Variants in CFAP157 observed in about 807,000 individuals in gnomAD.
CFAP157 encodes cilia- and flagella-associated protein 157.
Under a neutral mutation model 57.8 loss-of-function variants are expected in CFAP157, and 43 were observed. That is an observed-to-expected ratio of 0.74 (90% CI 0.58 to 0.96). The LOEUF is 0.96. CFAP157 is among the 40% of genes least tolerant of loss of function. CFAP157 has a pLI of 0.00. For synonymous variants in CFAP157, 267 were observed against 269.0 expected, an observed-to-expected ratio of 0.99 and a Z score of 0.07; for missense variants, 606 against 655.3, an observed-to-expected ratio of 0.92 and a Z score of 0.82.
intron 1 of CFAP157, among the ~76,000 whole-genome samples, chr9:127,707,985 C>T (rs1842684982): frequency 6.6e-6 from 1 of 152,132 alleles, no homozygotes; most frequent in African/African-American, 2.4e-5. Context: ...CTAGAGAGGT[C>T]CTGATGTCAT....
chr9:127,710,746 C>T lies in CFAP157; in HGVS notation c.579C>T (p.Asp193=). The change falls in exon 3 of 9, where the codon GAC becomes GAT. Residue 193 remains aspartate, a synonymous_variant. Coordinates refer to ENST00000373295, the MANE Select transcript of CFAP157 (RefSeq NM_001012502.3). ...AYNLEKKSVL[D]KDRLRKEIIQ... ...ACCTGGAGAAGAAGTCGGTGCTGGA[C>T]AAGGACAGGTGGGCAAGCGGGGCAC... The T allele has an allele frequency of 1.3e-6, 2 of 1,565,430 alleles. No homozygotes were observed. Among genetic ancestry groups the T allele is most frequent in the Non-Finnish European group, 1.7e-6 (2 of 1,154,108 alleles).
intron 3 of CFAP157, among the ~76,000 whole-genome samples, 153 bp downstream of exon 3, chr9:127,710,907 G>T (rs986767347): frequency 7.2e-5 from 11 of 152,058 alleles, no homozygotes; most frequent in Non-Finnish European, 1.6e-4. Context: ...ATCCCAGCTG[G>T]TGATTATGGA....
chr9:127,712,182 T>C lies in CFAP157; in HGVS notation c.987-17T>C, dbSNP rs372366207. The C allele has an allele frequency of 7.1e-4, 1,153 of 1,613,440 alleles. No homozygotes were observed. The highest frequency in any genetic ancestry group is 9.2e-4 in the Non-Finnish European group (1,081 of 1,179,806). On this transcript the variant is annotated splice_polypyrimidine_tract_variant and intron_variant, in intron 5 of 8. Transcript: ENST00000373295. ...GGGAAGGGGGAAGGCTGTTGACTCA[T>C]CCCAGTTGGGGTCCAGGAGCCAGAG...
Position 127,715,502 on chromosome 9 carries a change from T to C in CFAP157, c.*1597T>C, listed in dbSNP as rs367715244. On this transcript the variant is annotated 3_prime_UTR_variant, in exon 9 of 9. Transcript: ENST00000373295. The surrounding 1 kb of genome is among the most constrained non-coding windows in gnomAD (Gnocchi z 5.8). ...CGGGACATAATGGCCGAACTGAAGC[T>C]AGGGACCGGGAGCCCCTACGTCGCC... is the stretch of plus-strand genomic sequence containing the variant. The C allele has an allele frequency of 3.1e-6, 5 of 1,612,398 alleles. No individual in the cohort carries two copies. The African/African-American group carries it at 6.7e-5, about 22-fold the overall frequency.
rs780542156 is a variant in CFAP157 at position 127,709,581 on chromosome 9, C to A, written c.321C>A (p.Asn107Lys). 1.2e-6 allele frequency: 2 copies of A among 1,614,100 alleles called. No homozygotes were observed. ...CAGACCTCAACGAGCAGCTCCAGAA[C>A]TTGCAGCTAGCCAAAGAGATGGAGA... is the stretch of plus-strand genomic sequence containing the variant. The part of the protein sequence containing the change: ...EITDLNEQLQ[N>K]LQLAKEMEKD... The change falls in exon 2 of 9, where the codon AAC (asparagine) becomes AAA (lysine). Residue 107 changes from asparagine (N) to lysine (K), a missense_variant. Transcript: ENST00000373295. The surrounding 1 kb of genome is among the most constrained non-coding windows in gnomAD (Gnocchi z 4.7).
rs1039369315 is a variant in CFAP157, at chr9:127,715,813, C to G, written c.*1908C>G. The G allele has an allele frequency of 2.3e-6, 3 of 1,294,646 alleles. No homozygotes were observed. The highest frequency in any genetic ancestry group is 3.2e-6 in the Non-Finnish European group (3 of 949,246). The allele number at this position is 1,294,646 out of a possible 1,614,324, so 80.2% of individuals were successfully genotyped here. A position where few individuals can be genotyped will look rare whatever the true frequency, so the allele number is the denominator to read the frequency against. The stretch of plus-strand genomic sequence containing the variant: ...CGGTGGCCGAGTCCGGGAACCCAGG[C>G]GCCTTCAGTAGCGCGGCGTCACAGT... On this transcript the variant is annotated 3_prime_UTR_variant, in exon 9 of 9. Coordinates refer to ENST00000373295, the MANE Select transcript of CFAP157 (RefSeq NM_001012502.3). This position sits in a 1 kb window ranked among gnomAD's most constrained non-coding sequence, Gnocchi z 5.8.
At position 127,715,439 on chromosome 9, in the gene CFAP157, TAAGAA is replaced by T. The variant is rs1361685315; in HGVS notation, c.*1537_*1541del. On this transcript the variant is annotated 3_prime_UTR_variant, in exon 9 of 9. Coordinates refer to ENST00000373295, the MANE Select transcript of CFAP157 (RefSeq NM_001012502.3). This position sits in a 1 kb window ranked among gnomAD's most constrained non-coding sequence, Gnocchi z 5.8. Reference sequence around the variant, plus strand: ...CCCGTCGAGCACTGAACTCACCAGTTAAGAAAACAGAGCAGCAATTTGGGGGCACT... The same window carrying T: ...CCCGTCGAGCACTGAACTCACCAGTTAACAGAGCAGCAATTTGGGGGCACT... 6.6e-7 allele frequency: 1 copy of T among 1,511,318 alleles called. No individual in the cohort carries two copies. The highest frequency in any genetic ancestry group is 1.2e-5 in the South Asian group (1 of 85,942). The allele number at this position is 1,511,318 out of a possible 1,614,324, so 93.6% of individuals were successfully genotyped here.
chr9:127,714,379 A>G lies in CFAP157; in HGVS notation c.*474A>G. On this transcript the variant is annotated 3_prime_UTR_variant, in exon 9 of 9. Coordinates refer to ENST00000373295, the MANE Select transcript of CFAP157 (RefSeq NM_001012502.3). ...TTGCACAACAAAAGGGTAGACTCACATTGGAGTTGAGGCAGCTAATGCAGG... is the reference window on the plus strand; with the variant it reads ...TTGCACAACAAAAGGGTAGACTCACGTTGGAGTTGAGGCAGCTAATGCAGG... 1 of 1,614,238 alleles carries G rather than the reference A, an allele frequency of 6.2e-7. No individual in the cohort carries two copies. The highest frequency in any genetic ancestry group is 8.5e-7 in the Non-Finnish European group (1 of 1,180,028).
Position 127,711,302 on chromosome 9 carries a change from TGG to T in CFAP157, c.663_664del (p.Trp221Ter). 4 of 1,614,138 alleles carry T rather than the reference TGG, an allele frequency of 2.5e-6. No homozygotes were observed. Among genetic ancestry groups the T allele is most frequent in the Non-Finnish European group, 3.4e-6 (4 of 1,180,018 alleles). ...EFHKVTTNRM[W>X]ETTKRAIKEN... is the part of the protein sequence containing the mutation. ...CCACAAGGTGACCACGAACCGGATG[TGG>T]GAGACAACCAAGCGGGCCATCAAAG... is the stretch of plus-strand genomic sequence containing the variant. On this transcript the variant is annotated frameshift_variant, in exon 4 of 9. Coordinates refer to ENST00000373295, the MANE Select transcript of CFAP157 (RefSeq NM_001012502.3). LOFTEE classifies it high-confidence loss of function.
At chr9:127,713,341 GGCT>G in intron 8 of CFAP157, 135 bp downstream of exon 8, 1 of 715,378 alleles carries the variant, frequency 1.4e-6, no homozygotes. Flanking sequence ...CTGTAAAATG[GGCT>G]GAAGAAAGGA....
At position 127,709,625 on chromosome 9, in the gene CFAP157, A is replaced by C. The variant is rs1842718468; in HGVS notation, c.365A>C (p.Gln122Pro). 1.2e-6 allele frequency: 2 copies of C among 1,613,894 alleles called. No homozygotes were observed. The highest frequency in any genetic ancestry group is 1.7e-5 in the Admixed American group (1 of 60,014). Residue 122 changes from glutamine to proline, a missense_variant, in exon 2 of 9, where the codon CAG becomes CCG. Gln to Pro is a moderately conservative substitution (Grantham distance 76). Transcript: ENST00000373295. This position sits in a 1 kb window ranked among gnomAD's most constrained non-coding sequence, Gnocchi z 4.7. ...KEMEKDAFEA[Q>P]LAQVRHEFQE... is the part of the protein sequence containing the mutation. The stretch of plus-strand genomic sequence containing the variant: ...ATGGAGAAGGATGCCTTCGAGGCGC[A>C]GCTGGCCCAGGTGCGCCACGAGTTC...
At position 127,714,157 on chromosome 9, in the gene CFAP157, G is replaced by C. The variant is rs144597665; in HGVS notation, c.*252G>C. 2 of 1,613,720 alleles carry C rather than the reference G, an allele frequency of 1.2e-6. No homozygotes were observed. Among genetic ancestry groups the C allele is most frequent in the Non-Finnish European group, 1.7e-6 (2 of 1,179,994 alleles). On this transcript the variant is annotated 3_prime_UTR_variant, in exon 9 of 9. Transcript: ENST00000373295. ...CACGGATGTGGTCCAAGATCAGGTC[G>C]GTGGCTCGATCCAGCAACAGAGGCA...
At position 127,714,942 on chromosome 9, in the gene CFAP157, C is replaced by T; in HGVS notation, c.*1037C>T. 1.7e-5 allele frequency: 4 copies of T among 235,298 alleles called. No individual in the cohort carries two copies. The highest frequency in any genetic ancestry group is 3.1e-5 in the Non-Finnish European group (4 of 129,740). 14.6% of individuals were successfully genotyped at this position (235,298 alleles called of 1,614,324 possible). ...CGCGCCCCAACCCCCACCCCCTTGG[C>T]CCGCCCGCCCACCCCTGGCGCTCTC... is the stretch of plus-strand genomic sequence containing the variant. On this transcript the variant is annotated 3_prime_UTR_variant, in exon 9 of 9. Transcript: ENST00000373295.
chr9:127,710,920 G>A (rs966782691), intron 3 of CFAP157, among the ~76,000 whole-genome samples, 166 bp downstream of exon 3: 1 of 152,132 alleles, frequency 6.6e-6, no homozygotes, highest in Non-Finnish European at 1.5e-5. Flanking sequence ...ATTATGGAGG[G>A]GTGGGAGAAA....
In CFAP157 at chr9:127,715,051, C is replaced by T. The variant is rs1014107782; in HGVS notation, c.*1146C>T. 1.3e-6 allele frequency: 2 copies of T among 1,525,820 alleles called. No individual in the cohort carries two copies. Among genetic ancestry groups the T allele is most frequent in the Non-Finnish European group, 1.8e-6 (2 of 1,142,664 alleles). The allele number at this position is 1,525,820 out of a possible 1,614,324, so 94.5% of individuals were successfully genotyped here. A position where few individuals can be genotyped will look rare whatever the true frequency, so the allele number is the denominator to read the frequency against. On this transcript the variant is annotated 3_prime_UTR_variant, in exon 9 of 9. Transcript: ENST00000373295. This position sits in a 1 kb window ranked among gnomAD's most constrained non-coding sequence, Gnocchi z 5.8. ...GCAGGACCAGTTGGGCATCCCCCAG[C>T]GGGGCCAGGGCGAGGTCGGCGGCAC...
chr9:127,710,486 G>A, intron 2 of CFAP157, 115 bp from the exon 3 acceptor site: 1 of 1,306,960 alleles, frequency 7.7e-7, no homozygotes, highest in Non-Finnish European at 1.0e-6. Flanking sequence ...GCCCCACTGA[G>A]ACCACACAGG....
chr9:127,708,601 C>T (rs1466203753), intron 1 of CFAP157, among the ~76,000 whole-genome samples: 2 of 152,196 alleles, frequency 1.3e-5, no homozygotes, highest in East Asian at 3.9e-4. Context: ...AATTCACAAA[C>T]TTCCCTTGAG....
rs1277064242 is a variant in CFAP157, at chr9:127,709,051, G to A, written c.162-371G>A. Among the ~76,000 whole-genome samples, 2 of 152,188 alleles carry A rather than the reference G, an allele frequency of 1.3e-5. No individual in the cohort carries two copies. The highest frequency in any genetic ancestry group is 4.8e-5 in the African/African-American group (2 of 41,430). On this transcript the variant is annotated intron_variant, in intron 1 of 8. Transcript: ENST00000373295. The surrounding 1 kb of genome is among the most constrained non-coding windows in gnomAD (Gnocchi z 4.7). ...CTTCTGAGCCTCAGTTTCCTCATCT[G>A]TCAAATAGGTATAAAATCATCATAG...
At chr9:127,712,040 T>A in intron 5 of CFAP157, 90 bp downstream of exon 5, 2 of 1,518,936 alleles carry the variant, frequency 1.3e-6, no homozygotes, top group African/African-American at 2.7e-5. Flanking sequence ...CCCAGGCCAG[T>A]GACTTCCCCT....
Sources: allele counts gnomAD v4.1 joint callset (sites outside exome capture counted in the v4.1 genomes callset), GRCh38; gene constraint gnomAD v4.1.1; non-coding constraint Gnocchi (gnomAD v3.1); transcripts MANE v1.5; gene names NCBI Gene and HGNC (gene_info 2026-07-23, HGNC 2026-07-21).